The following NPFFR2 variants were observed in gnomAD, a reference collection of about 807,000 sequenced individuals.
The protein encoded by NPFFR2 is neuropeptide FF receptor 2.
Under a neutral mutation model 13.1 loss-of-function variants are expected in NPFFR2, and 15 were observed. That is an observed-to-expected ratio of 1.15 (90% CI 0.77 to 1.76). The LOEUF (loss-of-function observed/expected upper bound fraction) is 1.76. Ranked by LOEUF, NPFFR2 falls within the 40% of genes most tolerant of loss-of-function variation. The pLI, the probability that NPFFR2 is intolerant of heterozygous loss-of-function variation, is 0.00. For missense variants in NPFFR2, 572 were observed against 503.5 expected (o/e 1.14, Z -1.30); for synonymous variants, 190 against 175.7 (o/e 1.08, Z -0.65).
chr4:72,079,090 C>A (rs1211325683), intron 1 of NPFFR2, among the ~76,000 whole-genome samples: 1 of 100,804 alleles, frequency 9.9e-6, no homozygotes, highest in East Asian at 2.4e-4. Context: ...ACACACACAT[C>A]TGTTGAAATC....
chr4:72,144,702 A>C (rs571849586), intron 3 of NPFFR2, among the ~76,000 whole-genome samples: 1 of 152,256 alleles, frequency 6.6e-6, no homozygotes, highest in East Asian at 1.9e-4. Context: ...TACACAAACA[A>C]AATAAAAGGC....
At chr4:72,051,194 T>C (rs571917595) in intron 1 of NPFFR2, among the ~76,000 whole-genome samples, 29 of 151,914 alleles carry the variant, frequency 1.9e-4, no homozygotes, top group South Asian at 1.7e-3. Context: ...CCACACTGAC[T>C]TCCACAATGG....
chr4:72,138,796 CAAA>C (rs1402923735), intron 3 of NPFFR2, among the ~76,000 whole-genome samples: 1 of 152,174 alleles, frequency 6.6e-6, no homozygotes, highest in East Asian at 1.9e-4. Context: ...ATTGCTGGGT[CAAA>C]TGGTATTTCT....
chr4:72,122,268 C>A (rs1292761494), intron 1 of NPFFR2, among the ~76,000 whole-genome samples: 1 of 152,088 alleles, frequency 6.6e-6, no homozygotes, highest in African/African-American at 2.4e-5. Context: ...TCTTAGACAC[C>A]TACAAAGAGA....
chr4:72,033,309 AT>A (rs1214718683), intron 1 of NPFFR2, among the ~76,000 whole-genome samples: 3 of 152,212 alleles, frequency 2.0e-5, no homozygotes, highest in African/African-American at 7.2e-5. Context: ...GCAGAGTTCA[AT>A]TAGAGTCTTT....
intron 1 of NPFFR2, among the ~76,000 whole-genome samples, chr4:72,101,538 AG>A (rs1216188424): frequency 6.6e-5 from 10 of 151,812 alleles, no homozygotes; most frequent in African/African-American, 1.7e-4. Context: ...ATAATAAAAT[AG>A]GGGTCATAAA....
At chr4:72,106,692 G>C (rs1266090243) in intron 1 of NPFFR2, among the ~76,000 whole-genome samples, 2 of 151,944 alleles carry the variant, frequency 1.3e-5, no homozygotes, top group African/African-American at 4.8e-5. Context: ...TGACAAGCTG[G>C]AGATGAAGAT....
At chr4:72,080,453 C>T (rs1030749328) in intron 1 of NPFFR2, among the ~76,000 whole-genome samples, 2 of 152,112 alleles carry the variant, frequency 1.3e-5, no homozygotes, top group South Asian at 4.1e-4. Flanking sequence ...TCAGCCACCA[C>T]GCCTGGCCTA....
intron 1 of NPFFR2, among the ~76,000 whole-genome samples, chr4:72,064,790 A>G (rs757912364): frequency 6.6e-6 from 1 of 152,196 alleles, no homozygotes; most frequent in Non-Finnish European, 1.5e-5. Flanking sequence ...TGAAATGACT[A>G]GAGAGCCTGC....
intron 3 of NPFFR2, among the ~76,000 whole-genome samples, chr4:72,142,802 C>T (rs1243495132): frequency 1.3e-5 from 2 of 152,164 alleles, no homozygotes; most frequent in African/African-American, 4.8e-5. Context: ...CATTCATTCA[C>T]ACATGTTGTT....
intron 2 of NPFFR2, among the ~76,000 whole-genome samples, chr4:72,136,244 G>A (rs1215377108): frequency 2.6e-5 from 4 of 152,106 alleles, no homozygotes; most frequent in African/African-American, 7.2e-5. Context: ...TGTATTCCCA[G>A]CTACTCAGGA....
At chr4:72,095,161 TAAG>T (rs1287612762) in intron 1 of NPFFR2, among the ~76,000 whole-genome samples, 6 of 152,174 alleles carry the variant, frequency 3.9e-5, no homozygotes, top group Admixed American at 6.5e-5. Flanking sequence ...AGAAGGATAG[TAAG>T]AAGACGAGTC....
At chr4:72,041,118 A>G (rs1338698295) in intron 1 of NPFFR2, among the ~76,000 whole-genome samples, 1 of 152,092 alleles carries the variant, frequency 6.6e-6, no homozygotes, top group Non-Finnish European at 1.5e-5. Flanking sequence ...GAACTACCCA[A>G]TACGTAATTT....
At chr4:72,086,857 A>G (rs1190034473) in intron 1 of NPFFR2, among the ~76,000 whole-genome samples, 1 of 152,088 alleles carries the variant, frequency 6.6e-6, no homozygotes, top group Non-Finnish European at 1.5e-5. Context: ...TTTAATAAAG[A>G]GTTATGCATC....
Position 72,032,064 on chromosome 4 carries a change from G to T in NPFFR2, c.-144G>T. The T allele has an allele frequency of 6.2e-7, 1 of 1,614,058 alleles. No homozygotes were observed. ...AAGCCTGGAGTGGAGCAGGCAGTCC[G>T]CGGGGGACAGACGTCGGCTGGGATT... On this transcript the variant is annotated 5_prime_UTR_variant, in exon 1 of 4. Transcript: ENST00000308744.
Position 72,128,851 on chromosome 4 carries a change from T to G in NPFFR2, c.260T>G (p.Leu87Arg). The G allele has an allele frequency of 6.2e-7, 1 of 1,614,048 alleles. No individual in the cohort carries two copies. ...HTVTNLFILN[L>R]AISDLLVGIF... ...GTCACTAATCTCTTCATCTTAAACC[T>G]GGCCATAAGTGATTTACTAGTTGGC... Residue 87 changes from leucine (L) to arginine (R), a missense_variant, in exon 2 of 4, where the codon CTG becomes CGG. Physicochemically the swap from Leu to Arg is moderately radical, Grantham distance 102. Transcript: ENST00000308744.
At chr4:72,070,722 C>T (rs1475446651) in intron 1 of NPFFR2, among the ~76,000 whole-genome samples, 2 of 151,926 alleles carry the variant, frequency 1.3e-5, no homozygotes, top group African/African-American at 4.8e-5. Flanking sequence ...TTGATTCTGA[C>T]AACTTTCACA....
chr4:72,054,909 A>G (rs1719697065), intron 1 of NPFFR2, among the ~76,000 whole-genome samples: 1 of 151,912 alleles, frequency 6.6e-6, no homozygotes. Context: ...CTACACCATC[A>G]TCCTCAACAA....
chr4:72,067,074 C>T (rs1448460055), intron 1 of NPFFR2, among the ~76,000 whole-genome samples: 2 of 152,054 alleles, frequency 1.3e-5, no homozygotes, highest in African/African-American at 4.8e-5. Context: ...CCCCGATCCT[C>T]TCTGAGGGGC....
Sources: allele counts gnomAD v4.1 joint callset (sites outside exome capture counted in the v4.1 genomes callset), GRCh38; gene constraint gnomAD v4.1.1; transcripts MANE v1.5; gene names NCBI Gene and HGNC (gene_info 2026-07-23, HGNC 2026-07-21).